The following SLC39A11 variants were observed in gnomAD, a reference collection of about 807,000 sequenced individuals.
The protein encoded by SLC39A11 is zinc transporter ZIP11.
A neutral mutation model predicts 36.1 loss-of-function variants in SLC39A11; 33 were observed. That is an observed-to-expected ratio of 0.91 (90% CI 0.69 to 1.22). The LOEUF is 1.22. Ranked by LOEUF, SLC39A11 falls within the 50% of genes most tolerant of loss-of-function variation. SLC39A11 has a pLI of 0.00. For synonymous variants in SLC39A11, 166 were observed against 170.3 expected (o/e 0.97, Z 0.20); for missense variants, 432 against 430.3 (o/e 1.00, Z -0.03).
intron 3 of SLC39A11, among the ~76,000 whole-genome samples, chr17:73,083,141 G>A (rs1446020474): frequency 2.0e-5 from 3 of 151,912 alleles, no homozygotes; most frequent in Non-Finnish European, 2.9e-5. Flanking sequence ...GCCACCCAGA[G>A]ACAAGGTTAT....
intron 4 of SLC39A11, among the ~76,000 whole-genome samples, chr17:72,964,329 G>T (rs1013587380): frequency 1.3e-5 from 2 of 152,236 alleles, no homozygotes; most frequent in African/African-American, 4.8e-5. Flanking sequence ...TGGATGAGCT[G>T]CGTAGTTTTG....
chr17:72,833,257 T>TA (rs11440672), intron 6 of SLC39A11, among the ~76,000 whole-genome samples: 84,548 of 152,060 alleles, frequency 0.56, 24,276 homozygotes, highest in Middle Eastern at 0.67. Context: ...TTGTAGCGAT[T>TA]ATTAATAACC....
At chr17:72,811,372 T>C (rs1464098123) in intron 6 of SLC39A11, among the ~76,000 whole-genome samples, 1 of 152,120 alleles carries the variant, frequency 6.6e-6, no homozygotes, top group Non-Finnish European at 1.5e-5. Context: ...AACCATCACA[T>C]TGGAAACTGG....
chr17:72,667,451 A>G (rs1462587746), intron 7 of SLC39A11, among the ~76,000 whole-genome samples: 1 of 152,222 alleles, frequency 6.6e-6, no homozygotes, highest in East Asian at 1.9e-4. Flanking sequence ...CTTTCTAGCT[A>G]GCCAGGGACT....
At chr17:72,777,692 T>C (rs2076179971) in intron 6 of SLC39A11, among the ~76,000 whole-genome samples, 1 of 152,138 alleles carries the variant, frequency 6.6e-6, no homozygotes, top group Non-Finnish European at 1.5e-5. Context: ...ACACCCTGAC[T>C]TCAGGCTTCT....
At chr17:73,036,178 A>G (rs2143238309) in intron 3 of SLC39A11, among the ~76,000 whole-genome samples, 1 of 152,338 alleles carries the variant, frequency 6.6e-6, no homozygotes, top group Non-Finnish European at 1.5e-5. Flanking sequence ...CACTACATTC[A>G]TGGTAGTTTG....
intron 7 of SLC39A11, among the ~76,000 whole-genome samples, chr17:72,724,837 C>G (rs988137404): frequency 1.4e-4 from 22 of 151,992 alleles, no homozygotes; most frequent in Non-Finnish European, 2.8e-4. Flanking sequence ...GCAAGATGAT[C>G]TTTCAAAGTC....
rs66472539 is a variant in SLC39A11 at position 72,809,199 on chromosome 17, T to TTCTCTCTCTCTCTCTCTCTCTC, written c.601+40413_601+40434dup. On this transcript the variant is annotated intron_variant, in intron 6 of 9. Transcript: ENST00000255559. ...GCTTAGATCATCTTCTTTCTTTTCT[T>TTCTCTCTCTCTCTCTCTCTCTC]TCTCTCTCTCTCTCTCTCTCTCTCT... Among the ~76,000 whole-genome samples the TTCTCTCTCTCTCTCTCTCTCTC allele has an allele frequency of 1.6e-3, 164 of 102,302 alleles. 1 individual carries two copies. The Middle Eastern group carries it at 0.017, about 11-fold the overall frequency. The allele number at this position is 102,302 out of a possible 152,430, so 67.1% of individuals were successfully genotyped here.
At chr17:72,878,217 G>A (rs1342117435) in intron 5 of SLC39A11, among the ~76,000 whole-genome samples, 1 of 152,004 alleles carries the variant, frequency 6.6e-6, no homozygotes, top group Non-Finnish European at 1.5e-5. Context: ...TGGCACAAGG[G>A]GATCTCTCCT....
chr17:72,754,069 C>T (rs1202929074), intron 6 of SLC39A11, among the ~76,000 whole-genome samples: 9 of 148,912 alleles, frequency 6.0e-5, no homozygotes, highest in African/African-American at 2.2e-4. Context: ...CACACACACA[C>T]ACACACACAC....
chr17:72,986,766 C>T (rs896090317), intron 4 of SLC39A11, among the ~76,000 whole-genome samples: 4 of 152,200 alleles, frequency 2.6e-5, no homozygotes, highest in Admixed American at 6.5e-5. Flanking sequence ...TGGCTCATGC[C>T]TGTAATCCAA....
In SLC39A11 at chr17:72,830,148, T is replaced by G. The variant is rs147516431; in HGVS notation, c.601+19486A>C. ...TCAAGCTCCCAGCAGGCTTCCAGCATCAGGAGCTAAAATTGCTACCACTGA... is the reference window on the plus strand; with the variant it reads ...TCAAGCTCCCAGCAGGCTTCCAGCAGCAGGAGCTAAAATTGCTACCACTGA... On this transcript the variant is annotated intron_variant, in intron 6 of 9. Transcript: ENST00000255559. Among the ~76,000 whole-genome samples, 296 of 152,276 alleles carry G rather than the reference T, an allele frequency of 1.9e-3. 1 individual carries two copies. The highest frequency in any genetic ancestry group is 6.9e-3 in the African/African-American group (287 of 41,548).
chr17:72,657,006 G>A (rs1381471684), intron 7 of SLC39A11, among the ~76,000 whole-genome samples: 1 of 151,698 alleles, frequency 6.6e-6, no homozygotes, highest in Non-Finnish European at 1.5e-5. Flanking sequence ...ATAAAAAAGA[G>A]AAAAAAGAAG....
intron 3 of SLC39A11, chr17:73,067,949 T>C: frequency 1.3e-6 from 2 of 1,599,882 alleles, no homozygotes; most frequent in Non-Finnish European, 8.6e-7. Flanking sequence ...TCCAACTTCT[T>C]GGTCTGGGGA....
At chr17:72,671,185 A>G (rs1400032707) in intron 7 of SLC39A11, among the ~76,000 whole-genome samples, 1 of 152,198 alleles carries the variant, frequency 6.6e-6, no homozygotes, top group Non-Finnish European at 1.5e-5. Flanking sequence ...CAGTAACAGC[A>G]TCTCCACCAA....
chr17:72,648,704 A>C, intron 9 of SLC39A11, 99 bp downstream of exon 9: 10 of 1,397,868 alleles, frequency 7.2e-6, no homozygotes, highest in East Asian at 4.9e-5. Context: ...GGGGGAGGGA[A>C]TAAGGAAAGG....
At chr17:72,765,021 T>C (rs1239976307) in intron 6 of SLC39A11, among the ~76,000 whole-genome samples, 1 of 152,216 alleles carries the variant, frequency 6.6e-6, no homozygotes, top group Non-Finnish European at 1.5e-5. Context: ...GTTTATAGTT[T>C]AAATAATAGC....
intron 4 of SLC39A11, among the ~76,000 whole-genome samples, chr17:72,959,795 A>G (rs2086495557): frequency 6.6e-6 from 1 of 152,162 alleles, no homozygotes; most frequent in South Asian, 2.1e-4. Flanking sequence ...AAAACTATTT[A>G]AGTCACCACT....
intron 6 of SLC39A11, among the ~76,000 whole-genome samples, chr17:72,755,258 T>C (rs2075326790): frequency 6.6e-6 from 1 of 152,222 alleles, no homozygotes; most frequent in Non-Finnish European, 1.5e-5. Flanking sequence ...GCAAGTAAAG[T>C]GCTAGTGAAG....
Sources: allele counts gnomAD v4.1 joint callset (sites outside exome capture counted in the v4.1 genomes callset), GRCh38; gene constraint gnomAD v4.1.1; transcripts MANE v1.5; gene names NCBI Gene and HGNC (gene_info 2026-07-23, HGNC 2026-07-21).